Variants in REPS2 observed in about 807,000 individuals in gnomAD.
REPS2 encodes the protein RALBP1 associated Eps domain containing 2, also known as ralBP1-associated Eps domain-containing protein 2.
A neutral mutation model predicts 53.6 loss-of-function variants in REPS2; 23 were observed. That is an observed-to-expected ratio of 0.43 (90% CI 0.31 to 0.61). The LOEUF is 0.61. Among genes scored for constraint, REPS2 ranks in the 20% least tolerant of loss-of-function variants. REPS2 has a pLI of 0.11. For missense variants in REPS2, 446 were observed against 534.9 expected (o/e 0.83, Z 1.64); for synonymous variants, 238 against 218.6 (o/e 1.09, Z -0.78).
At chrX:16,989,800 T>C (rs1381680208) in intron 1 of REPS2, among the ~76,000 whole-genome samples, 5 of 112,219 alleles carry the variant, frequency 4.5e-5, no homozygotes, top group Non-Finnish European at 9.4e-5. Flanking sequence ...ATGGCAAGGC[T>C]GTAGAGAAAT....
intron 13 of REPS2, among the ~76,000 whole-genome samples, 190 bp from the exon 14 acceptor site, chrX:17,103,528 G>A (rs908733261): frequency 1.8e-5 from 2 of 111,668 alleles, no homozygotes; most frequent in African/African-American, 6.5e-5. Context: ...ACTTGAGTTT[G>A]GGTTAGGATG....
chrX:17,111,030 GT>G (rs2062963272), intron 14 of REPS2, among the ~76,000 whole-genome samples: 1 of 111,561 alleles, frequency 9.0e-6, no homozygotes, highest in Admixed American at 9.5e-5. Context: ...AACAACAGAA[GT>G]TTTGGGTTTT....
the REPS2 span, among the ~76,000 whole-genome samples, chrX:17,190,714 A>G: frequency 1.8e-5 from 2 of 112,378 alleles, no homozygotes; most frequent in African/African-American, 6.5e-5. Flanking sequence ...TTTAATTTCA[A>G]TACTTACTAT....
chrX:17,134,874 G>A (rs1247036295), intron 15 of REPS2, among the ~76,000 whole-genome samples: 2 of 110,280 alleles, frequency 1.8e-5, no homozygotes, highest in African/African-American at 6.6e-5. Flanking sequence ...CGACCGTCTC[G>A]GCCTCCCAAA....
chrX:17,123,469 A>C (rs1262018929), intron 14 of REPS2, among the ~76,000 whole-genome samples: 1 of 112,690 alleles, frequency 8.9e-6, no homozygotes, highest in Non-Finnish European at 1.9e-5. Flanking sequence ...TCCATAATCT[A>C]ATGGGTTCCA....
Position 17,149,370 on chromosome X carries a change from A to G in REPS2, c.*1889A>G, listed in dbSNP as rs747099118. On this transcript the variant is annotated 3_prime_UTR_variant, in exon 18 of 18. Coordinates refer to ENST00000357277, the MANE Select transcript of REPS2 (RefSeq NM_004726.3). Reference sequence around the variant, plus strand: ...GCCCAGGCTGGAGCGCAGTGGCGCAATCTCGGCTCACTGCAACCTCCACCT... The same window carrying G: ...GCCCAGGCTGGAGCGCAGTGGCGCAGTCTCGGCTCACTGCAACCTCCACCT... 1 of 125,682 alleles carries G rather than the reference A, an allele frequency of 8.0e-6. No individual in the cohort carries two copies. Among genetic ancestry groups the G allele is most frequent in the Admixed American group, 8.9e-5 (1 of 11,251 alleles). 10.4% of individuals were successfully genotyped at this position (125,682 alleles called of 1,213,427 possible). A position where few individuals can be genotyped will look rare whatever the true frequency, so the allele number is the denominator to read the frequency against.
intron 13 of REPS2, among the ~76,000 whole-genome samples, chrX:17,095,775 A>T (rs1372888763): frequency 9.0e-6 from 1 of 110,604 alleles, no homozygotes; most frequent in Admixed American, 9.6e-5. Context: ...AAATAAATCC[A>T]CTATTAGTTC....
At chrX:17,024,122 C>CA (rs773392773) in intron 3 of REPS2, among the ~76,000 whole-genome samples, 772 of 65,403 alleles carry the variant, frequency 0.012, 7 homozygotes, top group South Asian at 0.035. Flanking sequence ...GACCTCATTT[C>CA]AAAAAAAAAA....
intron 14 of REPS2, among the ~76,000 whole-genome samples, chrX:17,119,571 C>T (rs2063110997): frequency 8.9e-6 from 1 of 111,910 alleles, no homozygotes; most frequent in African/African-American, 3.3e-5. Flanking sequence ...GTGATGTGAT[C>T]CTTATCCTGT....
intron 5 of REPS2, among the ~76,000 whole-genome samples, chrX:17,036,011 G>C (rs967399786): frequency 9.0e-6 from 1 of 111,573 alleles, no homozygotes; most frequent in African/African-American, 3.3e-5. Flanking sequence ...GTATTTCCTT[G>C]TCTGCGTCTT....
chrX:17,077,446 G>A, intron 13 of REPS2, 39 bp downstream of exon 13: 1 of 1,146,996 alleles, frequency 8.7e-7, no homozygotes, highest in Non-Finnish European at 1.2e-6. Context: ...TCCATTTCCT[G>A]TTGGAGCCAG....
Position 16,999,920 on chromosome X carries a change from G to A in REPS2, c.274-6301G>A, listed in dbSNP as rs907285057. On this transcript the variant is annotated intron_variant, in intron 1 of 17. Coordinates refer to ENST00000357277, the MANE Select transcript of REPS2 (RefSeq NM_004726.3). ...AAATTAGCCGGGCGTAGTGGCGGGC[G>A]CCTGTAGTCCCAGCTACTTGGGAGG... Among the ~76,000 whole-genome samples, 3 of 102,645 alleles carry A rather than the reference G, an allele frequency of 2.9e-5. No individual in the cohort carries two copies. In the East Asian group the frequency reaches 9.2e-4, roughly 31 times the overall value. 89.1% of individuals were successfully genotyped at this position (102,645 alleles called of 115,157 possible).
intron 17 of REPS2, among the ~76,000 whole-genome samples, chrX:17,146,057 C>A (rs112251206): frequency 9.5e-6 from 1 of 105,009 alleles, no homozygotes; most frequent in African/African-American, 3.5e-5. Context: ...TGCAGTGAGC[C>A]GAGATCGCGC....
At chrX:17,056,320 A>AT (rs2062069501) in intron 8 of REPS2, among the ~76,000 whole-genome samples, 1 of 112,523 alleles carries the variant, frequency 8.9e-6, no homozygotes, top group African/African-American at 3.2e-5. Flanking sequence ...TTAACTTGGC[A>AT]TTTTTAGGCA....
intron 11 of REPS2, among the ~76,000 whole-genome samples, chrX:17,072,856 A>G (rs927082918): frequency 1.8e-5 from 2 of 111,587 alleles, no homozygotes; most frequent in Non-Finnish European, 3.8e-5. Context: ...TTCTGTCTAT[A>G]TCCAGGTGTG....
chrX:17,072,552 A>G (rs1471261335), intron 11 of REPS2, among the ~76,000 whole-genome samples: 1 of 112,703 alleles, frequency 8.9e-6, no homozygotes, highest in Non-Finnish European at 1.9e-5. Context: ...AAAGACAAAG[A>G]TAATGGCACT....
At chrX:17,101,482 A>G (rs750468299) in intron 13 of REPS2, among the ~76,000 whole-genome samples, 45 of 111,869 alleles carry the variant, frequency 4.0e-4, no homozygotes, top group Admixed American at 9.5e-4. Context: ...AAATGGCCTC[A>G]GTCTTTTACC....
intron 7 of REPS2, 127 bp from the exon 8 acceptor site, chrX:17,054,681 G>T: frequency 1.5e-6 from 1 of 660,800 alleles, no homozygotes; most frequent in Non-Finnish European, 2.3e-6. Flanking sequence ...AATGGATTTG[G>T]CTAGGAGGGT....
At chrX:16,990,569 C>T (rs1256927026) in intron 1 of REPS2, among the ~76,000 whole-genome samples, 1 of 106,626 alleles carries the variant, frequency 9.4e-6, no homozygotes, top group Non-Finnish European at 1.9e-5. Context: ...GAGATTGTGC[C>T]ACTGAACTCC....
Sources: allele counts gnomAD v4.1 joint callset (sites outside exome capture counted in the v4.1 genomes callset), GRCh38; gene constraint gnomAD v4.1.1; transcripts MANE v1.5; gene names NCBI Gene and HGNC (gene_info 2026-07-23, HGNC 2026-07-21).